Variants in EPHA6 observed in about 807,000 individuals in gnomAD.
EPHA6 encodes EPH receptor A6, also known as ephrin type-A receptor 6.
In EPHA6, 50 loss-of-function variants were observed where a neutral mutation model predicts 112.0. That is an observed-to-expected ratio of 0.45 (90% CI 0.36 to 0.56). The LOEUF (loss-of-function observed/expected upper bound fraction) is 0.56, where lower values mean the gene tolerates loss of function less well. EPHA6 is among the 20% of genes least tolerant of loss of function. The probability of loss-of-function intolerance (pLI) is 0.00; values close to 1 mark genes in which losing one functional copy is unlikely to be tolerated. For missense variants in EPHA6, 1,280 were observed against 1,417.4 expected (o/e 0.90, Z 1.56); for synonymous variants, 529 against 490.7 (o/e 1.08, Z -1.03).
intron 3 of EPHA6, among the ~76,000 whole-genome samples, chr3:96,994,732 T>TATAGAGAGAGAGAG (rs1170197805): frequency 2.6e-4 from 21 of 82,198 alleles, no homozygotes; most frequent in Non-Finnish European, 3.4e-4. Flanking sequence ...TATATATATA[T>TATAGAGAGAGAGAG]AGAGAGAGAG....
At chr3:97,535,959 A>G (rs1057080277) in intron 11 of EPHA6, among the ~76,000 whole-genome samples, 1 of 152,132 alleles carries the variant, frequency 6.6e-6, no homozygotes, top group Non-Finnish European at 1.5e-5. Flanking sequence ...AAGTTAAATG[A>G]TTAAAAGCTG....
In EPHA6 at chr3:97,434,963, C is replaced by T. The variant is rs11721197; in HGVS notation, c.1732-13605C>T. On this transcript the variant is annotated intron_variant, in intron 6 of 17. Coordinates refer to ENST00000389672, the MANE Select transcript of EPHA6 (RefSeq NM_001080448.3). ...TCCTCCTCCACATGATTATCTTGGG[C>T]TTCCACATAGCGTTGCAGTCTCAGA... 3.1e-3 allele frequency among the ~76,000 whole-genome samples: 455 copies of T among 146,002 alleles called. 1 individual carries two copies. The highest frequency in any genetic ancestry group is 5.1e-3 in the Non-Finnish European group (338 of 66,374).
At chr3:96,980,302 A>G (rs2042710051) in intron 2 of EPHA6, among the ~76,000 whole-genome samples, 1 of 152,178 alleles carries the variant, frequency 6.6e-6, no homozygotes, top group Non-Finnish European at 1.5e-5. Context: ...CATTTATTAA[A>G]TAGGGAATCC....
chr3:97,729,406 C>T (rs556340797), intron 15 of EPHA6, among the ~76,000 whole-genome samples: 4 of 151,984 alleles, frequency 2.6e-5, no homozygotes, highest in African/African-American at 9.7e-5. Flanking sequence ...TGGTAGAAGA[C>T]AAAAAGGAGT....
At chr3:97,440,127 G>A (rs74722428) in intron 6 of EPHA6, among the ~76,000 whole-genome samples, 3,429 of 152,108 alleles carry the variant, frequency 0.023, 122 homozygotes, top group African/African-American at 0.075. Context: ...AAGTAGAGGA[G>A]GGGACCAAAT....
At chr3:97,319,177 T>C (rs1294325252) in intron 5 of EPHA6, among the ~76,000 whole-genome samples, 1 of 151,132 alleles carries the variant, frequency 6.6e-6, no homozygotes, top group Non-Finnish European at 1.5e-5. Flanking sequence ...ATTTATCTAG[T>C]TGTGTCTTCT....
intron 14 of EPHA6, among the ~76,000 whole-genome samples, chr3:97,692,539 C>T (rs190955969): frequency 3.3e-5 from 5 of 152,252 alleles, no homozygotes; most frequent in African/African-American, 9.6e-5. Context: ...CCTTCAGCGC[C>T]GAATCCTCAG....
At chr3:97,028,880 G>A (rs2044729389) in intron 3 of EPHA6, among the ~76,000 whole-genome samples, 1 of 151,780 alleles carries the variant, frequency 6.6e-6, no homozygotes, top group Non-Finnish European at 1.5e-5. Context: ...ATGTTTTTAA[G>A]TGTAAGCAAA....
chr3:97,390,448 T>TCA lies in EPHA6; in HGVS notation c.1607-14701_1607-14700dup, dbSNP rs1203281312. Among the ~76,000 whole-genome samples, 4 of 151,498 alleles carry TCA rather than the reference T, an allele frequency of 2.6e-5. No homozygotes were observed. The Admixed American group carries it at 2.6e-4, about 10-fold the overall frequency. On this transcript the variant is annotated intron_variant, in intron 5 of 17. Transcript: ENST00000389672. ...TGATATGTATATTCCAGAAGGAATT[T>TCA]CATATATATATATTATATATATACG...
chr3:97,068,139 A>C (rs1478905315), intron 3 of EPHA6, among the ~76,000 whole-genome samples: 1 of 144,652 alleles, frequency 6.9e-6, no homozygotes, highest in African/African-American at 2.7e-5. Context: ...TGAGTGACAG[A>C]GCAAGACTCC....
At chr3:97,061,021 G>A (rs1019219321) in intron 3 of EPHA6, among the ~76,000 whole-genome samples, 2 of 151,300 alleles carry the variant, frequency 1.3e-5, no homozygotes, top group East Asian at 1.9e-4. Flanking sequence ...AGAGAAACAG[G>A]TAATGGTGGC....
chr3:97,075,096 C>A (rs560867462), intron 3 of EPHA6, among the ~76,000 whole-genome samples: 59 of 151,562 alleles, frequency 3.9e-4, no homozygotes, highest in Admixed American at 7.9e-4. Context: ...TCTTGCAAAA[C>A]AATGGAATTA....
intron 1 of EPHA6, among the ~76,000 whole-genome samples, chr3:96,854,216 A>G (rs1362600806): frequency 1.7e-4 from 22 of 132,036 alleles, no homozygotes; most frequent in East Asian, 6.5e-4. Flanking sequence ...GTCTCGCTCT[A>G]TCTCCCAGGC....
chr3:97,537,959 G>A (rs2092786938), intron 11 of EPHA6, among the ~76,000 whole-genome samples: 1 of 152,178 alleles, frequency 6.6e-6, no homozygotes, highest in South Asian at 2.1e-4. Context: ...ATATTTAAAT[G>A]TAACTTTAGG....
chr3:97,588,297 T>C (rs536361346), intron 11 of EPHA6, among the ~76,000 whole-genome samples: 1 of 152,314 alleles, frequency 6.6e-6, no homozygotes, highest in South Asian at 2.1e-4. Flanking sequence ...CAGTAACAAG[T>C]AATCTTCCTG....
intron 11 of EPHA6, among the ~76,000 whole-genome samples, chr3:97,579,579 G>A (rs1310428257): frequency 6.6e-6 from 1 of 152,090 alleles, no homozygotes; most frequent in Non-Finnish European, 1.5e-5. Flanking sequence ...CTACCTTATT[G>A]ATGTCATAGG....
intron 5 of EPHA6, among the ~76,000 whole-genome samples, chr3:97,290,670 A>C (rs1470505731): frequency 6.6e-6 from 1 of 152,018 alleles, no homozygotes; most frequent in Non-Finnish European, 1.5e-5. Flanking sequence ...GGTTATGTAT[A>C]GTTGTTTATT....
intron 5 of EPHA6, among the ~76,000 whole-genome samples, chr3:97,393,563 A>T (rs2086538749): frequency 6.6e-6 from 1 of 151,818 alleles, no homozygotes; most frequent in Non-Finnish European, 1.5e-5. Flanking sequence ...TAATACAGAG[A>T]ATTTTCACTC....
intron 2 of EPHA6, among the ~76,000 whole-genome samples, chr3:96,913,301 T>TG (rs1438909798): frequency 2.0e-5 from 3 of 150,978 alleles, no homozygotes; most frequent in Non-Finnish European, 4.4e-5. Flanking sequence ...GCTTGGAAGG[T>TG]GAAGAATGCA....
Sources: allele counts gnomAD v4.1 joint callset (sites outside exome capture counted in the v4.1 genomes callset), GRCh38; gene constraint gnomAD v4.1.1; transcripts MANE v1.5; gene names NCBI Gene and HGNC (gene_info 2026-07-23, HGNC 2026-07-21).